Variants in SASH1 observed in about 807,000 individuals in gnomAD.
The protein encoded by SASH1 is SAM and SH3 domain-containing protein 1.
In SASH1, 44 loss-of-function variants were observed where a neutral mutation model predicts 125.2. The ratio of observed to expected loss-of-function variants is 0.35; its 90% CI spans 0.28 to 0.45. SASH1 has a LOEUF of 0.45. SASH1 is among the 20% of genes least tolerant of loss of function. SASH1 has a pLI of 1.00. For synonymous variants in SASH1, 639 were observed against 649.1 expected, an observed-to-expected ratio of 0.98 and a Z score of 0.24; for missense variants, 1,426 against 1,614.5, an observed-to-expected ratio of 0.88 and a Z score of 2.00.
chr6:148,422,331 AG>A (rs772125477), intron 2 of SASH1, among the ~76,000 whole-genome samples: 14 of 152,216 alleles, frequency 9.2e-5, no homozygotes, highest in African/African-American at 1.4e-4. Flanking sequence ...CCATATTAGT[AG>A]TCAGTGATCC....
intron 1 of SASH1, among the ~76,000 whole-genome samples, chr6:148,351,180 C>T (rs57089939): frequency 7.5e-6 from 1 of 132,868 alleles, no homozygotes. Flanking sequence ...TATTTCCTTT[C>T]TGCGATAGTA....
intron 2 of SASH1, among the ~76,000 whole-genome samples, chr6:148,432,395 C>T (rs1012342535): frequency 5.9e-5 from 9 of 152,148 alleles, no homozygotes; most frequent in Non-Finnish European, 1.3e-4. Context: ...CTGGGAGATA[C>T]CACAACTCTA....
At chr6:148,545,310 G>A (rs151254811) in intron 18 of SASH1, among the ~76,000 whole-genome samples, 1 of 152,252 alleles carries the variant, frequency 6.6e-6, no homozygotes, top group East Asian at 1.9e-4. Flanking sequence ...GGAAATACAG[G>A]TCCTATTAGG....
intron 2 of SASH1, among the ~76,000 whole-genome samples, chr6:148,425,726 TCCCCTC>T (rs1464301315): frequency 1.6e-5 from 1 of 63,820 alleles, no homozygotes; most frequent in Non-Finnish European, 3.0e-5. Flanking sequence ...CCCTCTCCCT[TCCCCTC>T]CCCCTCCTCC....
chr6:148,207,078 A>G, the SASH1 span, among the ~76,000 whole-genome samples: 1 of 152,084 alleles, frequency 6.6e-6, no homozygotes, highest in Non-Finnish European at 1.5e-5. Flanking sequence ...GACCTTCCCA[A>G]CCAAATTAAG....
intron 8 of SASH1, chr6:148,512,707 C>T (rs1780215424): frequency 2.0e-6 from 2 of 985,254 alleles, no homozygotes; most frequent in Admixed American, 1.2e-4. Context: ...GAGTCCAGTT[C>T]CCATTCTTTA....
At chr6:148,494,977 C>T (rs1285528509) in intron 8 of SASH1, among the ~76,000 whole-genome samples, 1 of 152,164 alleles carries the variant, frequency 6.6e-6, no homozygotes, top group African/African-American at 2.4e-5. Flanking sequence ...TGTGCCTCTC[C>T]AGTGGCCAGG....
intron 1 of SASH1, among the ~76,000 whole-genome samples, chr6:148,366,549 G>C (rs758157224): frequency 6.6e-6 from 1 of 152,140 alleles, no homozygotes; most frequent in Non-Finnish European, 1.5e-5. Flanking sequence ...GTTTGGGCCT[G>C]AATTTTGTCA....
At position 148,343,162 on chromosome 6, in the gene SASH1, A is replaced by C. The variant is rs761635749; in HGVS notation, c.95A>C (p.Lys32Thr). 6.2e-7 allele frequency: 1 copy of C among 1,600,190 alleles called. No homozygotes were observed. The highest frequency in any genetic ancestry group is 8.5e-7 in the Non-Finnish European group (1 of 1,179,204). Residue 32 changes from lysine to threonine, a missense_variant, in exon 1 of 20, where the codon AAG (lysine) becomes ACG (threonine). Transcript: ENST00000367467. ...EPAPEPEPEP[K>T]PGAGTSEAFS... The stretch of plus-strand genomic sequence containing the variant: ...GCGCCGGAGCCGGAACCGGAGCCCA[A>C]GCCGGGTGCTGGCACATCCGAGGCG...
At chr6:148,265,243 A>G in the SASH1 span, among the ~76,000 whole-genome samples, 1 of 151,938 alleles carries the variant, frequency 6.6e-6, no homozygotes, top group Admixed American at 6.6e-5. Flanking sequence ...CCAGCAGTTC[A>G]AGGCTACAGT....
At chr6:148,494,962 A>G (rs1434982691) in intron 8 of SASH1, among the ~76,000 whole-genome samples, 1 of 152,222 alleles carries the variant, frequency 6.6e-6, no homozygotes, top group African/African-American at 2.4e-5. Flanking sequence ...TGTAAACCAT[A>G]AACATGTGCC....
chr6:148,259,971 G>A, the SASH1 span, among the ~76,000 whole-genome samples: 197 of 152,104 alleles, frequency 1.3e-3, 1 homozygote, highest in African/African-American at 4.6e-3. Flanking sequence ...CTGCAGCTTC[G>A]AACTCGTAGA....
At chr6:148,298,052 G>A (rs931909848) in intron 1 of SASH1, among the ~76,000 whole-genome samples, 1 of 150,180 alleles carries the variant, frequency 6.7e-6, no homozygotes, top group Non-Finnish European at 1.5e-5. Flanking sequence ...TGTCGCCCAG[G>A]CTGGACTCCA....
At chr6:148,453,077 C>G in intron 4 of SASH1, among the ~76,000 whole-genome samples, 1 of 152,218 alleles carries the variant, frequency 6.6e-6, no homozygotes, top group Non-Finnish European at 1.5e-5. Context: ...TCCTCCTCAG[C>G]TGTTCCCAAC....
intron 1 of SASH1, among the ~76,000 whole-genome samples, chr6:148,349,248 CTTTCTTTTTTTT>C (rs1344228693): frequency 7.5e-5 from 5 of 66,246 alleles, no homozygotes; most frequent in Non-Finnish European, 1.3e-4. Flanking sequence ...TTTCTTCTTT[CTTTCTTTTTTTT>C]TTTTTTTTTT....
the SASH1 span, among the ~76,000 whole-genome samples, chr6:148,203,125 A>G: frequency 2.6e-5 from 4 of 152,322 alleles, no homozygotes; most frequent in African/African-American, 7.2e-5. Flanking sequence ...AAACATTCCA[A>G]ATAAAATCAG....
chr6:148,357,897 T>C (rs143349174), intron 1 of SASH1, among the ~76,000 whole-genome samples: 12,907 of 151,664 alleles, frequency 0.085, 811 homozygotes, highest in East Asian at 0.31. Flanking sequence ...CCGTCTCTAC[T>C]AAAAATACAA....
chr6:148,334,784 C>T (rs1000638339), intron 1 of SASH1, among the ~76,000 whole-genome samples: 2 of 151,416 alleles, frequency 1.3e-5, no homozygotes, highest in African/African-American at 4.9e-5. Context: ...TGCACTCCAG[C>T]CTGGGCAACA....
chr6:148,353,521 G>GT (rs1333033960), intron 1 of SASH1, among the ~76,000 whole-genome samples: 1 of 135,488 alleles, frequency 7.4e-6, no homozygotes, highest in African/African-American at 2.8e-5. Context: ...TGCAACCTCT[G>GT]CCTCCCAGAT....
Sources: gnomAD v4.1 joint callset for allele counts (sites outside exome capture counted in the v4.1 genomes callset) on GRCh38, gnomAD v4.1.1 for gene constraint, MANE v1.5 for transcripts, NCBI Gene and HGNC (gene_info 2026-07-23, HGNC 2026-07-21) for gene names.